Variants in TBCA observed in about 807,000 individuals in gnomAD.
TBCA encodes the protein tubulin folding cofactor A.
TBCA carries 6 observed loss-of-function variants against 15.8 expected under a neutral mutation model. That is an observed-to-expected ratio of 0.38 (90% confidence interval 0.21 to 0.75). The LOEUF (loss-of-function observed/expected upper bound fraction) is 0.75, where lower values mean the gene tolerates loss of function less well. Among genes scored for constraint, TBCA ranks in the 30% least tolerant of loss-of-function variants. The probability of loss-of-function intolerance (pLI) is 0.46; values close to 1 mark genes in which losing one functional copy is unlikely to be tolerated. For synonymous variants in TBCA, 32 were observed against 42.3 expected (o/e 0.76, Z 0.94); for missense variants, 90 against 131.2 (o/e 0.69, Z 1.53).
chr5:77,697,403 ATT>A (rs1329766609), intron 2 of TBCA, among the ~76,000 whole-genome samples: 1 of 152,194 alleles, frequency 6.6e-6, no homozygotes. Context: ...ACCCCAACAA[ATT>A]TAAAAGAACT....
intron 1 of TBCA, among the ~76,000 whole-genome samples, chr5:77,747,373 A>G (rs1397020312): frequency 6.6e-6 from 1 of 152,144 alleles, no homozygotes; most frequent in Non-Finnish European, 1.5e-5. Flanking sequence ...CAATAATCAA[A>G]ACGTAATATA....
chr5:77,715,738 G>GA (rs750165474), intron 1 of TBCA, among the ~76,000 whole-genome samples: 1 of 152,112 alleles, frequency 6.6e-6, no homozygotes, highest in Non-Finnish European at 1.5e-5. Context: ...TTTAGTTTAA[G>GA]AAAAAACATG....
chr5:77,734,694 G>A (rs542354240), intron 1 of TBCA, among the ~76,000 whole-genome samples: 13 of 152,274 alleles, frequency 8.5e-5, no homozygotes, highest in African/African-American at 2.2e-4. Context: ...TTGATGAAGC[G>A]GTAGAAGGGT....
At chr5:77,734,714 T>C (rs1245219013) in intron 1 of TBCA, among the ~76,000 whole-genome samples, 3 of 152,178 alleles carry the variant, frequency 2.0e-5, no homozygotes, top group African/African-American at 7.2e-5. Context: ...TTTGAGAGGA[T>C]TCCAATTTTA....
At chr5:77,694,242 T>C (rs1440390625) in intron 2 of TBCA, 1 of 152,198 alleles carries the variant, frequency 6.6e-6, no homozygotes, top group East Asian at 1.9e-4. Context: ...TAAAAAGTTA[T>C]TACTTATCCT....
chr5:77,753,324 T>C (rs908010852), intron 1 of TBCA, among the ~76,000 whole-genome samples: 5 of 152,236 alleles, frequency 3.3e-5, no homozygotes, highest in African/African-American at 1.2e-4. Context: ...TTAAGTCAAT[T>C]GATTAGAGCT....
At chr5:77,766,515 T>TA (rs11416395) in intron 1 of TBCA, among the ~76,000 whole-genome samples, 25,254 of 37,420 alleles carry the variant, frequency 0.67, 10,576 homozygotes, top group Non-Finnish European at 0.86. Context: ...TTTATTTATT[T>TA]TTTTTTTTTT....
At chr5:77,761,684 G>T in intron 1 of TBCA, among the ~76,000 whole-genome samples, 1 of 151,522 alleles carries the variant, frequency 6.6e-6, no homozygotes, top group African/African-American at 2.4e-5. Context: ...TTTCAATTCA[G>T]GGAATTTAAT....
At chr5:77,726,731 T>A (rs1054771592) in intron 1 of TBCA, among the ~76,000 whole-genome samples, 1 of 152,226 alleles carries the variant, frequency 6.6e-6, no homozygotes, top group Non-Finnish European at 1.5e-5. Flanking sequence ...AGCTGAATGA[T>A]AACATTTTTC....
intron 2 of TBCA, among the ~76,000 whole-genome samples, chr5:77,699,518 A>C (rs370838081): frequency 6.6e-6 from 1 of 152,236 alleles, no homozygotes; most frequent in African/African-American, 2.4e-5. Context: ...TGCTGGAGCA[A>C]CTGGACATTG....
At chr5:77,715,975 T>C (rs1746391133) in intron 1 of TBCA, among the ~76,000 whole-genome samples, 1 of 152,176 alleles carries the variant, frequency 6.6e-6, no homozygotes, top group Non-Finnish European at 1.5e-5. Flanking sequence ...TATTTAAGAT[T>C]TGTGTTGTGT....
At chr5:77,743,124 A>G (rs1430957540) in intron 1 of TBCA, among the ~76,000 whole-genome samples, 1 of 152,210 alleles carries the variant, frequency 6.6e-6, no homozygotes, top group Non-Finnish European at 1.5e-5. Context: ...TCAGCTACAA[A>G]AGCTAAGGCA....
intron 1 of TBCA, among the ~76,000 whole-genome samples, chr5:77,772,065 G>C (rs1747927385): frequency 6.6e-6 from 1 of 150,848 alleles, no homozygotes; most frequent in African/African-American, 2.4e-5. Flanking sequence ...GTCGAGGATA[G>C]GTTTTTAAAC....
chr5:77,755,832 CTGTCTCTACT>C (rs1747460998), intron 1 of TBCA, among the ~76,000 whole-genome samples: 1 of 151,972 alleles, frequency 6.6e-6, no homozygotes, highest in Non-Finnish European at 1.5e-5. Flanking sequence ...TGGAAAAACC[CTGTCTCTACT>C]AAGAATACAA....
intron 1 of TBCA, among the ~76,000 whole-genome samples, chr5:77,751,533 T>A (rs1747341866): frequency 6.6e-6 from 1 of 151,974 alleles, no homozygotes; most frequent in Admixed American, 6.6e-5. Flanking sequence ...AGGGAGTCCA[T>A]TAAGATGGTT....
chr5:77,755,095 G>A (rs1334083234), intron 1 of TBCA, among the ~76,000 whole-genome samples: 1 of 152,130 alleles, frequency 6.6e-6, no homozygotes, highest in Non-Finnish European at 1.5e-5. Flanking sequence ...AAACTCACTG[G>A]TTTGCAAAAA....
At chr5:77,698,217 T>C (rs1383331699) in intron 2 of TBCA, among the ~76,000 whole-genome samples, 1 of 147,036 alleles carries the variant, frequency 6.8e-6, no homozygotes, top group Non-Finnish European at 1.5e-5. Context: ...CAGACAAAGA[T>C]AAAGTGAAAG....
chr5:77,691,397 C>G lies in TBCA; in HGVS notation c.*21G>C. On this transcript the variant is annotated 3_prime_UTR_variant, in exon 4 of 4. Transcript: ENST00000380377. ...TGGACCCCAGGATTTAATGCAAAAA[C>G]CACCCCATACGAGAAAAGTTTCAGG... is the stretch of plus-strand genomic sequence containing the variant. The G allele has an allele frequency of 6.3e-7, 1 of 1,587,000 alleles. No homozygotes were observed. Among genetic ancestry groups the G allele is most frequent in the Non-Finnish European group, 8.6e-7 (1 of 1,168,062 alleles).
chr5:77,775,988 A>G (rs1231007782), intron 1 of TBCA, among the ~76,000 whole-genome samples: 1 of 152,122 alleles, frequency 6.6e-6, no homozygotes, highest in Non-Finnish European at 1.5e-5. Context: ...GCGGCCAGTG[A>G]GCGGAGAGGG....
Sources: allele counts gnomAD v4.1 joint callset (sites outside exome capture counted in the v4.1 genomes callset), GRCh38; gene constraint gnomAD v4.1.1; transcripts MANE v1.5; gene names NCBI Gene and HGNC (gene_info 2026-07-23, HGNC 2026-07-21).